GRM1: variants seen among roughly 807,000 people sequenced by gnomAD.
The protein encoded by GRM1 is metabotropic glutamate receptor 1.
Under a neutral mutation model 90.9 loss-of-function variants are expected in GRM1, and 33 were observed. The ratio of observed to expected loss-of-function variants is 0.36; its 90% CI spans 0.28 to 0.49. GRM1 has a LOEUF of 0.49. Among genes scored for constraint, GRM1 ranks in the 20% least tolerant of loss-of-function variants. The pLI is 0.99. For missense variants in GRM1, 1,190 were observed against 1,534.3 expected (o/e 0.78, Z 3.75); for synonymous variants, 700 against 613.2 (o/e 1.14, Z -2.09).
upstream of GRM1, among the ~76,000 whole-genome samples, chr6:146,028,865 G>T (rs944083331): frequency 1.3e-5 from 2 of 152,174 alleles, no homozygotes; most frequent in Non-Finnish European, 2.9e-5. Flanking sequence ...TTGGGTTGAA[G>T]GACCTAGCTC....
chr6:146,416,657 A>G (rs898229501), intron 7 of GRM1, among the ~76,000 whole-genome samples: 1 of 152,162 alleles, frequency 6.6e-6, no homozygotes, highest in African/African-American at 2.4e-5. Flanking sequence ...TAATCCAGTT[A>G]CGGACTGAGC....
chr6:146,068,381 G>A (rs933595600), intron 1 of GRM1, among the ~76,000 whole-genome samples: 3 of 152,124 alleles, frequency 2.0e-5, no homozygotes, highest in Non-Finnish European at 4.4e-5. Context: ...CCACAGTGCT[G>A]GGATTACAGG....
intron 2 of GRM1, among the ~76,000 whole-genome samples, chr6:146,162,323 A>T (rs1777758255): frequency 6.6e-6 from 1 of 152,160 alleles, no homozygotes; most frequent in Non-Finnish European, 1.5e-5. Context: ...AAAAAAAATT[A>T]GGACTTTTTA....
At chr6:146,382,847 AC>A (rs1776365591) in intron 5 of GRM1, among the ~76,000 whole-genome samples, 1 of 152,156 alleles carries the variant, frequency 6.6e-6, no homozygotes. Context: ...TGCTGTGAAA[AC>A]ATTGAAAAGA....
intron 7 of GRM1, among the ~76,000 whole-genome samples, chr6:146,407,828 A>T (rs1777403363): frequency 6.6e-6 from 1 of 152,214 alleles, no homozygotes. Flanking sequence ...AATTCAATTA[A>T]TAAGAGATAG....
At chr6:146,335,775 G>A (rs889374669) in intron 3 of GRM1, among the ~76,000 whole-genome samples, 6 of 152,084 alleles carry the variant, frequency 3.9e-5, no homozygotes, top group African/African-American at 1.2e-4. Flanking sequence ...AATACCTCAT[G>A]ACATGGTTTG....
In GRM1 at chr6:146,231,883, TA is replaced by T. The variant is rs534093661; in HGVS notation, c.950+72288del. ...ATAGGTCTGAAATTTTGTTTTCTTG[TA>T]ATACCTTTGTCTATTTTTTCTGTAA... On this transcript the variant is annotated intron_variant, in intron 2 of 7. Coordinates refer to ENST00000282753, the MANE Select transcript of GRM1 (RefSeq NM_001278064.2). Among the ~76,000 whole-genome samples the T allele has an allele frequency of 3.5e-3, 537 of 152,216 alleles. 4 individuals carry two copies. The highest frequency in any genetic ancestry group is 8.4e-3 in the Admixed American group (128 of 15,260).
Position 146,146,103 on chromosome 6 carries a change from C to CTTTTTTTTTTTTTT in GRM1, c.701-13222_701-13209dup, listed in dbSNP as rs35329703. ...CTGTGCCTATGTACTACCATTGTAT[C>CTTTTTTTTTTTTTT]TTTTTTTTTTTTTTTTTTTTTTTTT... On this transcript the variant is annotated intron_variant, in intron 1 of 7. Transcript: ENST00000282753. 1.2e-3 allele frequency among the ~76,000 whole-genome samples: 23 copies of CTTTTTTTTTTTTTT among 19,988 alleles called. 10 individuals carry two copies. Among genetic ancestry groups the CTTTTTTTTTTTTTT allele is most frequent in the East Asian group, 6.1e-3 (3 of 492 alleles). The allele number at this position is 19,988 out of a possible 152,430, so 13.1% of individuals were successfully genotyped here.
At chr6:146,185,960 A>T (rs1778716478) in intron 2 of GRM1, among the ~76,000 whole-genome samples, 2 of 150,336 alleles carry the variant, frequency 1.3e-5, no homozygotes, top group South Asian at 4.2e-4. Flanking sequence ...CTTTTTTTTT[A>T]AATTTTGAGA....
rs180740914 is a variant in GRM1, at chr6:146,357,942, T to C, written c.1602+248T>C. 2.9e-3 allele frequency among the ~76,000 whole-genome samples: 441 copies of C among 152,216 alleles called. 2 individuals carry two copies. Among genetic ancestry groups the C allele is most frequent in the Non-Finnish European group, 4.0e-3 (272 of 68,018 alleles). On this transcript the variant is annotated intron_variant, in intron 5 of 7. Transcript: ENST00000282753. ...TGATGGACTGGAATCTTTAACACAA[T>C]CTTGGCAGGAAACGGATGAGTAATC...
chr6:146,095,962 G>T (rs1193322120), intron 1 of GRM1, among the ~76,000 whole-genome samples: 2 of 152,018 alleles, frequency 1.3e-5, no homozygotes, highest in African/African-American at 4.8e-5. Flanking sequence ...TTCTAATGTG[G>T]CTCTCTTCTC....
chr6:146,324,403 G>A (rs1458124946), intron 3 of GRM1, among the ~76,000 whole-genome samples: 4 of 151,966 alleles, frequency 2.6e-5, no homozygotes, highest in African/African-American at 9.7e-5. Flanking sequence ...GGAGTGAACA[G>A]TTCTCTCTCA....
At chr6:146,335,809 T>C (rs1007777186) in intron 3 of GRM1, among the ~76,000 whole-genome samples, 1 of 152,182 alleles carries the variant, frequency 6.6e-6, no homozygotes, top group African/African-American at 2.4e-5. Context: ...CCAAATTTCA[T>C]CCTGAATTGT....
intron 2 of GRM1, among the ~76,000 whole-genome samples, chr6:146,227,186 A>G (rs533157414): frequency 5.9e-5 from 9 of 152,254 alleles, no homozygotes; most frequent in South Asian, 2.1e-4. Flanking sequence ...TAAAACATAC[A>G]GAAATATATG....
intron 2 of GRM1, among the ~76,000 whole-genome samples, chr6:146,202,783 G>C (rs750054278): frequency 1.3e-5 from 2 of 152,156 alleles, no homozygotes; most frequent in South Asian, 2.1e-4. Flanking sequence ...GAGAAGTGCT[G>C]GGTTGGCTGC....
intron 2 of GRM1, among the ~76,000 whole-genome samples, chr6:146,294,646 CAG>C (rs1232159996): frequency 1.3e-5 from 2 of 152,092 alleles, no homozygotes; most frequent in Non-Finnish European, 2.9e-5. Flanking sequence ...CTATTAATAA[CAG>C]AGTAGTAAGT....
At chr6:146,163,409 T>G (rs1194100341) in intron 2 of GRM1, among the ~76,000 whole-genome samples, 1 of 152,212 alleles carries the variant, frequency 6.6e-6, no homozygotes, top group African/African-American at 2.4e-5. Flanking sequence ...ACTTACTATA[T>G]ATAAGCACTG....
intron 3 of GRM1, among the ~76,000 whole-genome samples, chr6:146,348,463 C>T (rs2115032340): frequency 6.6e-6 from 1 of 152,326 alleles, no homozygotes; most frequent in African/African-American, 2.4e-5. Context: ...GAGGTAGTAG[C>T]TGAAGAGAGT....
intron 2 of GRM1, among the ~76,000 whole-genome samples, chr6:146,219,959 G>A (rs1026899131): frequency 2.0e-5 from 3 of 151,924 alleles, no homozygotes; most frequent in African/African-American, 7.3e-5. Context: ...ATATGGGAGT[G>A]TATAAGCTTA....
Sources: allele counts gnomAD v4.1 joint callset (sites outside exome capture counted in the v4.1 genomes callset), GRCh38; gene constraint gnomAD v4.1.1; transcripts MANE v1.5; gene names NCBI Gene and HGNC (gene_info 2026-07-23, HGNC 2026-07-21).